Variants in SPRED3 observed in about 807,000 individuals in gnomAD.
SPRED3 encodes sprouty related EVH1 domain containing 3.
In SPRED3, 23 loss-of-function variants were observed where a neutral mutation model predicts 37.6. That is an observed-to-expected ratio of 0.61 (90% CI 0.44 to 0.87). The LOEUF is 0.87. Among genes scored for constraint, SPRED3 ranks in the 40% least tolerant of loss-of-function variants. SPRED3 has a pLI of 0.00. For synonymous variants in SPRED3, 302 were observed against 279.6 expected (o/e 1.08, Z -0.80); for missense variants, 584 against 618.6 (o/e 0.94, Z 0.59).
chr19:38,395,380 T>C lies in SPRED3; in HGVS notation c.568-100T>C. The C allele has an allele frequency of 8.3e-7, 1 of 1,203,948 alleles. No homozygotes were observed. Among genetic ancestry groups the C allele is most frequent in the Non-Finnish European group, 1.1e-6 (1 of 911,568 alleles). The allele number at this position is 1,203,948 out of a possible 1,614,324, so 74.6% of individuals were successfully genotyped here. On this transcript the variant is annotated intron_variant, in intron 5 of 5. Transcript: ENST00000691638. The surrounding 1 kb of genome is among the most constrained non-coding windows in gnomAD (Gnocchi z 5.2). ...CTTGGGAGAGAAGCAAGCTGGGGTC[T>C]TGAAAATCTGAATCCCAGACCCAAG...
At position 38,398,327 on chromosome 19, in the gene SPRED3, C is replaced by G. The variant is rs185832491; in HGVS notation, c.*2182C>G. 1 of 152,242 alleles carries G rather than the reference C, an allele frequency of 6.6e-6. No individual in the cohort carries two copies. Among genetic ancestry groups the G allele is most frequent in the Non-Finnish European group, 1.5e-5 (1 of 68,074 alleles). The allele number at this position is 152,242 out of a possible 1,614,324, so 9.4% of individuals were successfully genotyped here. ...TCTCGGCTCACCACAACCTCCCCCT[C>G]CCGGGTTCAAGCCATTCGTCTGCCT... On this transcript the variant is annotated 3_prime_UTR_variant, in exon 6 of 6. Coordinates refer to ENST00000691638, the MANE Select transcript of SPRED3 (RefSeq NM_001394336.1).
chr19:38,389,674 C>T (rs1473243637), intron 1 of SPRED3: 1 of 150,656 alleles, frequency 6.6e-6, no homozygotes, highest in South Asian at 2.1e-4. Flanking sequence ...CTCTGAGCCT[C>T]TCTTTCTGGC....
chr19:38,388,969 CA>C, intron 1 of SPRED3, among the ~76,000 whole-genome samples, 162 bp downstream of exon 1: 1 of 152,228 alleles, frequency 6.6e-6, no homozygotes, highest in East Asian at 1.9e-4. Flanking sequence ...GGCAGCCATT[CA>C]GGGTACCAGT....
chr19:38,392,212 G>T lies in SPRED3; in HGVS notation c.347G>T (p.Gly116Val). 1.3e-6 allele frequency: 2 copies of T among 1,598,196 alleles called. No homozygotes were observed. The highest frequency in any genetic ancestry group is 2.3e-5 in the South Asian group (2 of 88,534). The change falls in exon 4 of 6, where the codon GGC becomes GTC. Residue 116 changes from glycine to valine, a missense_variant and splice_region_variant. By Grantham distance (109) the Gly-to-Val change is moderately radical. This residue lies in a region of SPRED3 where 310 missense variants were observed against 281.1 expected (regional missense o/e 1.10). Transcript: ENST00000691638. ...LLAALAALGR[G>V]SLTPSSSSSS... ...CTCTCTGCCTCTCTCCCTGCCCCAG[G>T]CTCACTCACCCCCTCCTCCTCCTCC...
Position 38,398,224 on chromosome 19 carries a change from C to CTATTTATTTATTTATTTATT in SPRED3, c.*2089_*2108dup, listed in dbSNP as rs571900640. 8 of 151,736 alleles carry CTATTTATTTATTTATTTATT rather than the reference C, an allele frequency of 5.3e-5. No homozygotes were observed. The highest frequency in any genetic ancestry group is 2.1e-4 in the South Asian group (1 of 4,792). The allele number at this position is 151,736 out of a possible 1,614,324, so 9.4% of individuals were successfully genotyped here. A position where few individuals can be genotyped will look rare whatever the true frequency, so the allele number is the denominator to read the frequency against. ...CCCCCTCCATTAACCCCTTCTCTTC[C>CTATTTATTTATTTATTTATT]TATTTATTTATTTATTTATTTATTT... On this transcript the variant is annotated 3_prime_UTR_variant, in exon 6 of 6. Coordinates refer to ENST00000691638, the MANE Select transcript of SPRED3 (RefSeq NM_001394336.1).
intron 2 of SPRED3, among the ~76,000 whole-genome samples, 157 bp from the exon 3 acceptor site, chr19:38,391,789 T>A (rs183516393): frequency 6.6e-6 from 1 of 151,318 alleles, no homozygotes; most frequent in Non-Finnish European, 1.5e-5. Context: ...AACTGGGGAG[T>A]CGTATCAGTG....
Position 38,395,692 on chromosome 19 carries a change from C to T in SPRED3, c.780C>T (p.Ala260=). The T allele has an allele frequency of 6.8e-7, 1 of 1,481,244 alleles. No homozygotes were observed. Among genetic ancestry groups the T allele is most frequent in the Non-Finnish European group, 8.9e-7 (1 of 1,127,632 alleles). 91.8% of individuals were successfully genotyped at this position (1,481,244 alleles called of 1,614,324 possible). A position where few individuals can be genotyped will look rare whatever the true frequency, so the allele number is the denominator to read the frequency against. The change falls in exon 6 of 6, where the codon GCC becomes GCT. Residue 260 remains alanine, a synonymous_variant. Transcript: ENST00000691638. This position sits in a 1 kb window ranked among gnomAD's most constrained non-coding sequence, Gnocchi z 5.2. ...AALGPPAALP[A]PLTEAAPPAP... is the part of the protein sequence containing the mutation. ...TGGGTCCCCCAGCGGCACTACCTGC[C>T]CCTTTGACCGAGGCTGCGCCCCCAG...
At chr19:38,390,932 A>G (rs1171342239) in intron 2 of SPRED3, among the ~76,000 whole-genome samples, 1 of 152,130 alleles carries the variant, frequency 6.6e-6, no homozygotes, top group African/African-American at 2.4e-5. Flanking sequence ...ATGGTTGACA[A>G]TTCTATACAT....
intron 2 of SPRED3, among the ~76,000 whole-genome samples, chr19:38,391,088 G>A (rs1970827140): frequency 6.6e-6 from 1 of 151,728 alleles, no homozygotes; most frequent in South Asian, 2.1e-4. Context: ...GTCAGTGGAG[G>A]GATTTGAAAT....
intron 4 of SPRED3, 79 bp downstream of exon 4, chr19:38,392,367 T>G: frequency 7.1e-7 from 1 of 1,409,942 alleles, no homozygotes; most frequent in Non-Finnish European, 9.4e-7. Flanking sequence ...GAGCACCTAC[T>G]GTGTAGCAGG....
chr19:38,392,196 T>G lies in SPRED3; in HGVS notation c.347-16T>G. On this transcript the variant is annotated splice_polypyrimidine_tract_variant and intron_variant, in intron 3 of 5. Coordinates refer to ENST00000691638, the MANE Select transcript of SPRED3 (RefSeq NM_001394336.1). ...GGGCTCAAGGAACTCACTCTCTGCCTCTCTCCCTGCCCCAGGCTCACTCAC... is the reference window on the plus strand; with the variant it reads ...GGGCTCAAGGAACTCACTCTCTGCCGCTCTCCCTGCCCCAGGCTCACTCAC... 1 of 1,601,948 alleles carries G rather than the reference T, an allele frequency of 6.2e-7. No individual in the cohort carries two copies. Among genetic ancestry groups the G allele is most frequent in the Non-Finnish European group, 8.5e-7 (1 of 1,172,954 alleles).
chr19:38,395,556 G>A lies in SPRED3; in HGVS notation c.644G>A (p.Trp215Ter). The A allele has an allele frequency of 6.4e-7, 1 of 1,554,350 alleles. No homozygotes were observed. The highest frequency in any genetic ancestry group is 2.5e-5 in the East Asian group (1 of 39,954). ...CTGGCAGGGGCAGGGGGCCTGGGGT[G>A]GGGCGGCCGCGGCTACGAGGATTAC... ...EPLAGAGGLG[W>*]GGRGYEDYRR... The change falls in exon 6 of 6, where the codon TGG becomes TAG. Residue 215 changes from tryptophan (W) to a stop codon, truncating the protein, a stop_gained. Transcript: ENST00000691638. LOFTEE classifies it high-confidence loss of function. The surrounding 1 kb of genome is among the most constrained non-coding windows in gnomAD (Gnocchi z 5.2).
intron 4 of SPRED3, among the ~76,000 whole-genome samples, chr19:38,393,323 C>T (rs1037174928): frequency 6.6e-6 from 1 of 151,004 alleles, no homozygotes; most frequent in Admixed American, 6.6e-5. Context: ...TTCCTTATTT[C>T]CTTTCTGAAA....
Position 38,392,093 on chromosome 19 carries a change from G to C in SPRED3, c.325G>C (p.Ala109Pro). 6.2e-7 allele frequency: 1 copy of C among 1,614,198 alleles called. No homozygotes were observed. The highest frequency in any genetic ancestry group is 8.5e-7 in the Non-Finnish European group (1 of 1,180,038). The part of the protein sequence containing the change: ...ADEFQKSLLA[A>P]LAALGRGSLT... Reference sequence around the variant, plus strand: ...TGAGTTCCAGAAGAGCCTGCTGGCTGCGCTGGCCGCACTGGGTCGAGGTGA... The same window carrying C: ...TGAGTTCCAGAAGAGCCTGCTGGCTCCGCTGGCCGCACTGGGTCGAGGTGA... The change falls in exon 3 of 6, where the codon GCG (alanine) becomes CCG (proline). Residue 109 changes from alanine to proline, a missense_variant. By Grantham distance (27) the Ala-to-Pro change is conservative. Coordinates refer to ENST00000691638, the MANE Select transcript of SPRED3 (RefSeq NM_001394336.1).
At chr19:38,388,985 A>G (rs762947551) in intron 1 of SPRED3, among the ~76,000 whole-genome samples, 178 bp downstream of exon 1, 169 of 152,302 alleles carry the variant, frequency 1.1e-3, no homozygotes, top group Middle Eastern at 3.4e-3. Flanking sequence ...ACCAGTCTTC[A>G]TTTGTGGGGT....
chr19:38,392,268 G>C lies in SPRED3; in HGVS notation c.403G>C (p.Glu135Gln). 6.3e-7 allele frequency: 1 copy of C among 1,579,150 alleles called. No homozygotes were observed. The stretch of plus-strand genomic sequence containing the variant: ...CTCCTCTCCTTCCCAGGATACTGCA[G>C]AGACCCCCTGCCCTCTGACGGTGAG... ...SSSSPSQDTAETPCPLTSHVD... is the reference protein window; with the variant it reads ...SSSSPSQDTAQTPCPLTSHVD... Residue 135 changes from glutamate to glutamine, a missense_variant, in exon 4 of 6, where the codon GAG (glutamate) becomes CAG (glutamine). By Grantham distance (29) the Glu-to-Gln change is conservative (BLOSUM62 2). Around this residue, in one of 7 missense-constraint regions of SPRED3, gnomAD observed 310 missense variants for 281.1 expected, o/e 1.10. Coordinates refer to ENST00000691638, the MANE Select transcript of SPRED3 (RefSeq NM_001394336.1).
intron 2 of SPRED3, among the ~76,000 whole-genome samples, chr19:38,390,764 G>GCCC (rs57016544): frequency 3.5e-4 from 22 of 62,454 alleles, no homozygotes; most frequent in African/African-American, 1.0e-3. Context: ...AGGGGGCACT[G>GCCC]CCCCCCCCCC....
chr19:38,392,998 T>A (rs1970851344), intron 4 of SPRED3, among the ~76,000 whole-genome samples: 8 of 152,346 alleles, frequency 5.3e-5, no homozygotes, highest in Admixed American at 3.9e-4. Flanking sequence ...TACAGTGGCA[T>A]ATGAGATCCC....
rs1970874406 is a variant in SPRED3, at chr19:38,394,766, C to T, written c.547C>T (p.Arg183Cys). ...CTTCGGGCCGACCACGCCCCCCCAGCGCCGCCGCTCCTCCGCTCAGGTGCG... is the reference window on the plus strand; with the variant it reads ...CTTCGGGCCGACCACGCCCCCCCAGTGCCGCCGCTCCTCCGCTCAGGTGCG... ...SGFGPTTPPQ[R>C]RRSSAQSYPP... Residue 183 changes from arginine to cysteine, a missense_variant, in exon 5 of 6, where the codon CGC becomes TGC. Physicochemically the swap from Arg to Cys is radical, Grantham distance 180. Around this residue, in one of 7 missense-constraint regions of SPRED3, gnomAD observed 310 missense variants for 281.1 expected, o/e 1.10. Transcript: ENST00000691638. 1 of 1,574,662 alleles carries T rather than the reference C, an allele frequency of 6.4e-7. No individual in the cohort carries two copies.
Sources: gnomAD v4.1 joint callset for allele counts (sites outside exome capture counted in the v4.1 genomes callset) on GRCh38, gnomAD v4.1.1 for gene constraint, gnomAD v4.1.1 regional missense constraint, Gnocchi (gnomAD v3.1) non-coding constraint, MANE v1.5 for transcripts, NCBI Gene and HGNC (gene_info 2026-07-23, HGNC 2026-07-21) for gene names.